Variants in ZC4H2 observed in about 807,000 individuals in gnomAD.
ZC4H2 encodes the protein zinc finger C4H2-type containing, also known as zinc finger C4H2 domain-containing protein.
For synonymous variants in ZC4H2, 84 were observed against 66.3 expected (o/e 1.27, Z -1.30); for missense variants, 137 against 173.9 (o/e 0.79, Z 1.19).
intron 1 of ZC4H2, among the ~76,000 whole-genome samples, chrX:64,943,125 CT>C (rs1930371112): frequency 9.0e-6 from 1 of 111,201 alleles, no homozygotes; most frequent in African/African-American, 3.3e-5. Context: ...TAAATGTCTT[CT>C]TTTGAAGTTG....
intron 1 of ZC4H2, among the ~76,000 whole-genome samples, chrX:64,945,344 T>A (rs1333110750): frequency 8.9e-6 from 1 of 112,417 alleles, no homozygotes; most frequent in African/African-American, 3.2e-5. Context: ...TCCCCTCTTC[T>A]GCAGTCTGCT....
chrX:64,944,594 C>T (rs1930445971), intron 1 of ZC4H2, among the ~76,000 whole-genome samples: 1 of 110,956 alleles, frequency 9.0e-6, no homozygotes, highest in African/African-American at 3.3e-5. Context: ...TAGTGGTGCT[C>T]TCTGCACTTT....
chrX:64,963,905 G>A (rs1221732063), intron 1 of ZC4H2, among the ~76,000 whole-genome samples: 3 of 111,492 alleles, frequency 2.7e-5, no homozygotes, highest in African/African-American at 9.7e-5. Flanking sequence ...GAGATAACAT[G>A]GACATAATCC....
intron 1 of ZC4H2, among the ~76,000 whole-genome samples, chrX:64,998,912 A>G (rs920732498): frequency 2.7e-5 from 3 of 109,883 alleles, no homozygotes; most frequent in Non-Finnish European, 3.8e-5. Flanking sequence ...TATTAGCATA[A>G]CCAATCCTGA....
chrX:65,015,585 G>A (rs1348070871), intron 1 of ZC4H2, among the ~76,000 whole-genome samples: 1 of 111,803 alleles, frequency 8.9e-6, no homozygotes. Flanking sequence ...TCCATGATAT[G>A]TGAACTCCTG....
At chrX:64,945,605 C>T (rs7063415) in intron 1 of ZC4H2, among the ~76,000 whole-genome samples, 15,511 of 111,068 alleles carry the variant, frequency 0.14, 2,630 homozygotes, top group African/African-American at 0.48. Flanking sequence ...ATAGCTCTAG[C>T]ACTCTGATGG....
chrX:64,982,839 T>C (rs909419367), intron 1 of ZC4H2, among the ~76,000 whole-genome samples: 4 of 112,035 alleles, frequency 3.6e-5, no homozygotes, highest in African/African-American at 9.7e-5. Context: ...ACTCATAAAA[T>C]AAAAATGAAA....
intron 1 of ZC4H2, among the ~76,000 whole-genome samples, chrX:64,988,676 T>G (rs1217353613): frequency 9.0e-6 from 1 of 111,304 alleles, no homozygotes; most frequent in Non-Finnish European, 1.9e-5. Context: ...GTAGGTTGCC[T>G]GTTCACTCTC....
chrX:64,929,700 G>T (rs1021546061), intron 1 of ZC4H2, among the ~76,000 whole-genome samples: 16 of 111,183 alleles, frequency 1.4e-4, no homozygotes, highest in African/African-American at 4.9e-4. Context: ...TTATTTCTGG[G>T]TTTTCTATTG....
chrX:64,977,500 ATTAAT>A (rs1342447056), upstream of ZC4H2, among the ~76,000 whole-genome samples: 1 of 111,856 alleles, frequency 8.9e-6, no homozygotes, highest in Non-Finnish European at 1.9e-5. Context: ...TTTTAAATTA[ATTAAT>A]TTATTTATTT....
chrX:64,947,298 G>C (rs1225452087), intron 1 of ZC4H2, among the ~76,000 whole-genome samples: 1 of 111,859 alleles, frequency 8.9e-6, no homozygotes, highest in Non-Finnish European at 1.9e-5. Context: ...CACTTGCAAA[G>C]AATGTGTATC....
chrX:64,990,597 A>G (rs1932291383), intron 1 of ZC4H2, among the ~76,000 whole-genome samples: 1 of 111,931 alleles, frequency 8.9e-6, no homozygotes, highest in South Asian at 3.8e-4. Flanking sequence ...CAAGTTACCT[A>G]AGAAAAAATA....
At chrX:64,960,028 G>GA (rs1931315967) in intron 1 of ZC4H2, among the ~76,000 whole-genome samples, 2 of 111,035 alleles carry the variant, frequency 1.8e-5, no homozygotes, top group African/African-American at 3.3e-5. Flanking sequence ...AAAATTATAT[G>GA]AAAAAATAGC....
chrX:64,951,157 T>C (rs1377306560), intron 1 of ZC4H2, among the ~76,000 whole-genome samples: 1 of 112,402 alleles, frequency 8.9e-6, no homozygotes, highest in Non-Finnish European at 1.9e-5. Context: ...TATGGCTGCA[T>C]AGTATTCCAC....
chrX:64,952,344 A>T (rs1930892533), intron 1 of ZC4H2, among the ~76,000 whole-genome samples: 1 of 109,605 alleles, frequency 9.1e-6, no homozygotes, highest in African/African-American at 3.4e-5. Context: ...GAAGAAAGTC[A>T]TTGGTAGCTT....
At chrX:64,963,115 C>G (rs1931460618) in intron 1 of ZC4H2, among the ~76,000 whole-genome samples, 2 of 110,988 alleles carry the variant, frequency 1.8e-5, no homozygotes, top group Non-Finnish European at 3.8e-5. Context: ...AACAGAGAGC[C>G]CAGAAATGAA....
chrX:65,012,243 AAAAGAAAGAAAG>A (rs756822500), intron 1 of ZC4H2, among the ~76,000 whole-genome samples: 22 of 99,755 alleles, frequency 2.2e-4, no homozygotes, highest in African/African-American at 5.0e-4. Context: ...AAAAAAAAAA[AAAAGAAAGAAAG>A]AAAGAAAGAA....
At chrX:64,920,384 C>T in intron 2 of ZC4H2, 131 bp from the exon 3 acceptor site, 2 of 633,699 alleles carry the variant, frequency 3.2e-6, no homozygotes, top group Non-Finnish European at 4.6e-6. Context: ...TCTCCCATGC[C>T]CTCTCCATGT....
In ZC4H2 at chrX:64,957,843, G is replaced by T. The variant is rs888876736; in HGVS notation, c.53+18482C>A. ...TGCCCCTGCACTCCAGCCCGGGTGA[G>T]AGAGTGAGACCAGGTTTCAAAAATA... On this transcript the variant is annotated intron_variant, in intron 1 of 4. Coordinates refer to ENST00000374839, the MANE Select transcript of ZC4H2 (RefSeq NM_018684.4). Among the ~76,000 whole-genome samples, 5 of 110,349 alleles carry T rather than the reference G, an allele frequency of 4.5e-5. No homozygotes were observed. The Admixed American group carries it at 4.9e-4, about 11-fold the overall frequency.
Sources: allele counts gnomAD v4.1 joint callset (sites outside exome capture counted in the v4.1 genomes callset), GRCh38; gene constraint gnomAD v4.1.1; transcripts MANE v1.5; gene names NCBI Gene and HGNC (gene_info 2026-07-23, HGNC 2026-07-21).